CERS6: variants seen among roughly 807,000 people sequenced by gnomAD.
The protein encoded by CERS6 is LAG1 homolog, ceramide synthase 6.
A neutral mutation model predicts 56.8 loss-of-function variants in CERS6; 26 were observed. The ratio of observed to expected loss-of-function variants is 0.46; its 90% CI spans 0.34 to 0.63. The LOEUF is 0.63. Ranked by LOEUF, CERS6 falls within the 30% of genes least tolerant of loss-of-function variation. The pLI, the probability that CERS6 is intolerant of heterozygous loss-of-function variation, is 0.01. For missense variants in CERS6, 415 were observed against 467.5 expected (o/e 0.89, Z 1.04); for synonymous variants, 164 against 173.3 (o/e 0.95, Z 0.42).
intron 3 of CERS6, among the ~76,000 whole-genome samples, chr2:168,601,770 G>T (rs1446255390): frequency 1.3e-5 from 2 of 151,968 alleles, no homozygotes; most frequent in African/African-American, 4.8e-5. Flanking sequence ...TGTTGTTCTT[G>T]AACTCCTGAC....
chr2:168,532,447 T>C (rs1352574445), intron 1 of CERS6, among the ~76,000 whole-genome samples: 4 of 152,154 alleles, frequency 2.6e-5, no homozygotes, highest in African/African-American at 9.7e-5. Context: ...TTCATGTCTT[T>C]TGGTGTTCTC....
At chr2:168,601,759 ATGT>A (rs1329451204) in intron 3 of CERS6, among the ~76,000 whole-genome samples, 3 of 152,080 alleles carry the variant, frequency 2.0e-5, no homozygotes. Flanking sequence ...CATGTTGGCC[ATGT>A]TGTTCTTGAA....
chr2:168,477,216 A>AGT (rs1225328759), intron 1 of CERS6, among the ~76,000 whole-genome samples: 3 of 128,188 alleles, frequency 2.3e-5, no homozygotes, highest in African/African-American at 9.1e-5. Flanking sequence ...AGAGAGAGAG[A>AGT]GAGTCTCATA....
intron 8 of CERS6, among the ~76,000 whole-genome samples, chr2:168,745,003 A>G (rs829963): frequency 0.17 from 25,839 of 152,176 alleles, 2,890 homozygotes; most frequent in Middle Eastern, 0.33. Flanking sequence ...GAAGCTCCCC[A>G]GGTGATTCAA....
intron 1 of CERS6, among the ~76,000 whole-genome samples, chr2:168,517,814 G>T (rs1458663128): frequency 1.3e-5 from 2 of 152,072 alleles, no homozygotes; most frequent in Non-Finnish European, 2.9e-5. Flanking sequence ...CTCCCTTTTT[G>T]ATTATTTGTT....
At chr2:168,552,972 G>A (rs550221767) in intron 2 of CERS6, among the ~76,000 whole-genome samples, 12 of 152,168 alleles carry the variant, frequency 7.9e-5, no homozygotes, top group Admixed American at 6.5e-4. Context: ...AAAAAATGAA[G>A]CAGTAACTCT....
intron 8 of CERS6, among the ~76,000 whole-genome samples, chr2:168,723,858 T>C (rs1683261172): frequency 6.6e-6 from 1 of 152,240 alleles, no homozygotes; most frequent in Non-Finnish European, 1.5e-5. Flanking sequence ...ACATTCTTCT[T>C]CCGTAATTAC....
chr2:168,456,435 G>A lies in CERS6; in HGVS notation c.-14G>A, dbSNP rs1302298613. The A allele has an allele frequency of 2.5e-6, 4 of 1,609,510 alleles. 1 individual carries two copies. Among genetic ancestry groups the A allele is most frequent in the Middle Eastern group, 3.3e-4 (2 of 6,046 alleles). On this transcript the variant is annotated 5_prime_UTR_variant, in exon 1 of 10. It adds an upstream start codon to the 5' untranslated region. Transcript: ENST00000305747. The surrounding 1 kb of genome is among the most constrained non-coding windows in gnomAD (Gnocchi z 4.1). ...GGGCTGCGGGTGCCGCAGGACAGGA[G>A]TGGACAAAGCAAGATGGCAGGGATC...
chr2:168,652,470 G>A (rs183741276), intron 4 of CERS6, among the ~76,000 whole-genome samples: 34 of 151,364 alleles, frequency 2.2e-4, no homozygotes, highest in Admixed American at 2.2e-3. Flanking sequence ...TTTTCAATCT[G>A]AAAACTCAAA....
At chr2:168,677,990 T>C (rs956004260) in intron 4 of CERS6, among the ~76,000 whole-genome samples, 3 of 152,136 alleles carry the variant, frequency 2.0e-5, no homozygotes, top group African/African-American at 7.2e-5. Flanking sequence ...AAAACCACAA[T>C]GAAATACCAT....
At chr2:168,597,560 T>G (rs1202728778) in intron 3 of CERS6, among the ~76,000 whole-genome samples, 1 of 152,114 alleles carries the variant, frequency 6.6e-6, no homozygotes, top group Non-Finnish European at 1.5e-5. Flanking sequence ...CCATACAAGC[T>G]TCTACTTTTT....
chr2:168,465,269 G>A (rs911350238), intron 1 of CERS6, among the ~76,000 whole-genome samples: 5 of 152,220 alleles, frequency 3.3e-5, no homozygotes, highest in African/African-American at 1.2e-4. Context: ...AGGCTGGAGA[G>A]TCCAAGATCA....
intron 1 of CERS6, among the ~76,000 whole-genome samples, chr2:168,519,408 T>A (rs998461995): frequency 2.6e-5 from 4 of 152,192 alleles, no homozygotes; most frequent in African/African-American, 7.2e-5. Context: ...GGGATACATG[T>A]ACAGTTTTGT....
chr2:168,697,200 T>C (rs1335434527), intron 6 of CERS6, among the ~76,000 whole-genome samples: 1 of 152,180 alleles, frequency 6.6e-6, no homozygotes. Flanking sequence ...TAATATGGTA[T>C]ATATCAGCTG....
chr2:168,494,489 A>T (rs1052410191), intron 1 of CERS6, among the ~76,000 whole-genome samples: 1 of 152,234 alleles, frequency 6.6e-6, no homozygotes, highest in Non-Finnish European at 1.5e-5. Flanking sequence ...AAATTAAAAC[A>T]TATATCTAAC....
chr2:168,717,308 G>A (rs1687248367), intron 7 of CERS6, among the ~76,000 whole-genome samples: 1 of 152,088 alleles, frequency 6.6e-6, no homozygotes, highest in Non-Finnish European at 1.5e-5. Flanking sequence ...TCATTTCTAA[G>A]TTCATGAGAG....
intron 3 of CERS6, among the ~76,000 whole-genome samples, chr2:168,603,726 T>A (rs1338290472): frequency 6.6e-6 from 1 of 152,180 alleles, no homozygotes; most frequent in Non-Finnish European, 1.5e-5. Flanking sequence ...CATGATGCAA[T>A]GTCTTTAAAA....
intron 2 of CERS6, among the ~76,000 whole-genome samples, chr2:168,551,327 A>G (rs566892300): frequency 3.3e-5 from 5 of 152,178 alleles, no homozygotes; most frequent in Non-Finnish European, 5.9e-5. Context: ...CTAAAATTTT[A>G]TAAACACTTT....
chr2:168,701,912 C>T (rs1168192235), intron 6 of CERS6, among the ~76,000 whole-genome samples: 2 of 152,004 alleles, frequency 1.3e-5, no homozygotes, highest in Admixed American at 1.3e-4. Flanking sequence ...CACATCCTCC[C>T]ATATACTTTA....
Sources: gnomAD v4.1 joint callset for allele counts (sites outside exome capture counted in the v4.1 genomes callset) on GRCh38, gnomAD v4.1.1 for gene constraint, Gnocchi (gnomAD v3.1) non-coding constraint, MANE v1.5 for transcripts, NCBI Gene and HGNC (gene_info 2026-07-23, HGNC 2026-07-21) for gene names.